Variants in ABLIM1 observed in about 807,000 individuals in gnomAD.
ABLIM1 encodes actin binding LIM protein 1.
Under a neutral mutation model 107.0 loss-of-function variants are expected in ABLIM1, and 40 were observed. The ratio of observed to expected loss-of-function variants is 0.37; its 90% confidence interval spans 0.29 to 0.49. The LOEUF (loss-of-function observed/expected upper bound fraction) is 0.49, where lower values mean the gene tolerates loss of function less well. Among genes scored for constraint, ABLIM1 ranks in the 20% least tolerant of loss-of-function variants. The pLI is 0.97. For synonymous variants in ABLIM1, 357 were observed against 357.3 expected, an observed-to-expected ratio of 1.00 and a Z score of 0.01; for missense variants, 857 against 1,008.5, an observed-to-expected ratio of 0.85 and a Z score of 2.04.
chr10:114,756,144 C>T (rs2082625575), intron 1 of ABLIM1, among the ~76,000 whole-genome samples: 1 of 151,642 alleles, frequency 6.6e-6, no homozygotes, highest in African/African-American at 2.4e-5. Context: ...TTTATCTTTT[C>T]TAAATAGTTA....
chr10:114,466,926 A>G (rs1053567164), intron 11 of ABLIM1, among the ~76,000 whole-genome samples: 8 of 152,326 alleles, frequency 5.3e-5, no homozygotes, highest in African/African-American at 1.9e-4. Context: ...TGGGAGGCCA[A>G]GGTGGGTGGA....
chr10:114,433,103 T>C lies in ABLIM1; in HGVS notation c.*3157A>G, dbSNP rs1315244826. ...ACTTAAGAGTCCCAAGGAAGTCAAA[T>C]GTTCCCAAATGTAGCCCTTTACATC... On this transcript the variant is annotated 3_prime_UTR_variant, in exon 23 of 23. Transcript: ENST00000533213. 1 of 152,220 alleles carries C rather than the reference T, an allele frequency of 6.6e-6. No homozygotes were observed. Among genetic ancestry groups the C allele is most frequent in the Non-Finnish European group, 1.5e-5 (1 of 68,038 alleles). 9.4% of individuals were successfully genotyped at this position (152,220 alleles called of 1,614,324 possible). A position where few individuals can be genotyped will look rare whatever the true frequency, so the allele number is the denominator to read the frequency against.
rs557026130 is a variant in ABLIM1, at chr10:114,617,309, T to G, written c.245-15348A>C. 2.0e-5 allele frequency among the ~76,000 whole-genome samples: 3 copies of G among 147,986 alleles called. No homozygotes were observed. The East Asian group carries it at 6.1e-4, about 30-fold the overall frequency. ...GGAGTTTTGCTCTTGTTGCCCAGGC[T>G]GGAGTGCAATGGCGCGATCTTGGCT... On this transcript the variant is annotated intron_variant, in intron 1 of 22. Coordinates refer to ENST00000533213, the MANE Select transcript of ABLIM1 (RefSeq NM_002313.7).
upstream of ABLIM1, among the ~76,000 whole-genome samples, chr10:114,768,340 G>A (rs1455975655): frequency 2.0e-5 from 3 of 148,784 alleles, no homozygotes; most frequent in Non-Finnish European, 3.0e-5. Flanking sequence ...GAGCCGCCGG[G>A]GCCCACCCGG....
At chr10:114,548,206 T>A (rs1408856699) in intron 4 of ABLIM1, among the ~76,000 whole-genome samples, 1 of 152,226 alleles carries the variant, frequency 6.6e-6, no homozygotes, top group Non-Finnish European at 1.5e-5. Context: ...TATACGTGAT[T>A]ACTCCTGGAG....
intron 1 of ABLIM1, among the ~76,000 whole-genome samples, chr10:114,642,075 T>G (rs1056904226): frequency 4.6e-4 from 70 of 151,850 alleles, no homozygotes; most frequent in Admixed American, 4.6e-3. Flanking sequence ...TTTTTTTTTT[T>G]GTAGTGACAG....
chr10:114,632,204 A>G, intron 1 of ABLIM1: 2 of 985,326 alleles, frequency 2.0e-6, no homozygotes, highest in Non-Finnish European at 2.4e-6. Context: ...CACTCGCTAC[A>G]GCTGCTGCTG....
intron 1 of ABLIM1, among the ~76,000 whole-genome samples, chr10:114,734,401 A>G (rs1204691053): frequency 6.6e-6 from 1 of 152,172 alleles, no homozygotes; most frequent in Non-Finnish European, 1.5e-5. Flanking sequence ...GTCCTAACCC[A>G]GGTTTCCAAC....
intron 1 of ABLIM1, chr10:114,615,599 A>G (rs1375152461): frequency 8.6e-6 from 4 of 465,256 alleles, no homozygotes; most frequent in African/African-American, 2.0e-5. Context: ...GCACAAAGCC[A>G]GCACTCTATA....
At chr10:114,517,597 C>T (rs923226637) in intron 6 of ABLIM1, among the ~76,000 whole-genome samples, 1 of 151,840 alleles carries the variant, frequency 6.6e-6, no homozygotes, top group African/African-American at 2.4e-5. Context: ...AACGACAGCG[C>T]ATACTTTAAA....
chr10:114,655,622 T>C (rs2079465978), intron 1 of ABLIM1, among the ~76,000 whole-genome samples: 1 of 152,238 alleles, frequency 6.6e-6, no homozygotes, highest in Non-Finnish European at 1.5e-5. Context: ...AAAGGGATTC[T>C]AGGTATCCCC....
chr10:114,704,125 T>C (rs946764329), intron 1 of ABLIM1, among the ~76,000 whole-genome samples: 3 of 151,528 alleles, frequency 2.0e-5, no homozygotes, highest in African/African-American at 7.3e-5. Flanking sequence ...CAACATGGAG[T>C]GACTTTTGAA....
chr10:114,800,288 C>T, the ABLIM1 span, among the ~76,000 whole-genome samples: 1 of 152,162 alleles, frequency 6.6e-6, no homozygotes, highest in Non-Finnish European at 1.5e-5. Context: ...CAGTATTCGA[C>T]ATCCTGTAAT....
At chr10:114,746,507 T>C (rs2082388770) in intron 1 of ABLIM1, among the ~76,000 whole-genome samples, 1 of 152,242 alleles carries the variant, frequency 6.6e-6, no homozygotes, top group South Asian at 2.1e-4. Flanking sequence ...TTAGGTTGAT[T>C]CCATAACTTG....
chr10:114,762,384 A>G (rs952635395), intron 1 of ABLIM1, among the ~76,000 whole-genome samples: 2 of 152,114 alleles, frequency 1.3e-5, no homozygotes, highest in Non-Finnish European at 2.9e-5. Context: ...TAAAACTGTG[A>G]GCTCCTTGAG....
chr10:114,724,555 C>T (rs768202511), intron 1 of ABLIM1, among the ~76,000 whole-genome samples: 3 of 152,160 alleles, frequency 2.0e-5, no homozygotes, highest in Non-Finnish European at 1.5e-5. Context: ...TGCTCTCTCC[C>T]TCATCCCATC....
chr10:114,677,961 A>G (rs978029787), intron 1 of ABLIM1, among the ~76,000 whole-genome samples: 2 of 152,200 alleles, frequency 1.3e-5, no homozygotes, highest in African/African-American at 2.4e-5. Flanking sequence ...AATCTAGGTG[A>G]AATACAACTG....
chr10:114,643,647 G>C (rs2078849759), intron 1 of ABLIM1, among the ~76,000 whole-genome samples: 1 of 149,112 alleles, frequency 6.7e-6, no homozygotes, highest in South Asian at 2.1e-4. Context: ...GCAAGATCAT[G>C]GCTCACTGCA....
At chr10:114,498,418 G>T (rs2059971747) in intron 6 of ABLIM1, among the ~76,000 whole-genome samples, 1 of 152,164 alleles carries the variant, frequency 6.6e-6, no homozygotes, top group African/African-American at 2.4e-5. Context: ...CCTAAGCCCT[G>T]AGCCCATGTA....
Sources: gnomAD v4.1 joint callset for allele counts (sites outside exome capture counted in the v4.1 genomes callset) on GRCh38, gnomAD v4.1.1 for gene constraint, MANE v1.5 for transcripts, NCBI Gene and HGNC (gene_info 2026-07-23, HGNC 2026-07-21) for gene names.